The following GPBP1 variants were observed in gnomAD, a reference collection of about 807,000 sequenced individuals.
GPBP1 encodes GC-rich promoter binding protein 1, also known as vasculin.
A neutral mutation model predicts 56.5 loss-of-function variants in GPBP1; 13 were observed. The ratio of observed to expected loss-of-function variants is 0.23; its 90% CI spans 0.15 to 0.37. The LOEUF is 0.37. Ranked by LOEUF, GPBP1 falls within the 10% of genes least tolerant of loss-of-function variation. The pLI is 1.00. For synonymous variants in GPBP1, 204 were observed against 188.9 expected, an observed-to-expected ratio of 1.08 and a Z score of -0.66; for missense variants, 477 against 572.3, an observed-to-expected ratio of 0.83 and a Z score of 1.70.
chr5:57,214,248 C>A, intron 3 of GPBP1, 55 bp downstream of exon 3: 1 of 1,360,048 alleles, frequency 7.4e-7, no homozygotes, highest in Non-Finnish European at 1.1e-6. Context: ...ATTTTTTACA[C>A]AAATGTAATT....
intron 8 of GPBP1, 175 bp from the exon 9 acceptor site, chr5:57,249,234 G>GT: frequency 2.1e-6 from 1 of 468,458 alleles, no homozygotes; most frequent in East Asian, 3.3e-5. Flanking sequence ...AAATTATTTT[G>GT]TTGACTCATT....
At chr5:57,233,441 T>TC (rs1756540780) in intron 5 of GPBP1, among the ~76,000 whole-genome samples, 1 of 152,108 alleles carries the variant, frequency 6.6e-6, no homozygotes, top group African/African-American at 2.4e-5. Flanking sequence ...GTGGTACTGA[T>TC]CCCCCCTTGA....
chr5:57,189,844 C>T (rs1465668154), intron 2 of GPBP1, among the ~76,000 whole-genome samples: 1 of 152,170 alleles, frequency 6.6e-6, no homozygotes, highest in Non-Finnish European at 1.5e-5. Flanking sequence ...GAACACGAGA[C>T]ATTTTTCTTT....
At chr5:57,227,513 T>TA (rs752547905) in intron 3 of GPBP1, among the ~76,000 whole-genome samples, 1 of 152,230 alleles carries the variant, frequency 6.6e-6, no homozygotes, top group Non-Finnish European at 1.5e-5. Context: ...TTCTTGCTTG[T>TA]ATGCCAAGAA....
chr5:57,220,467 T>A (rs1287786710), intron 3 of GPBP1, among the ~76,000 whole-genome samples: 1 of 151,860 alleles, frequency 6.6e-6, no homozygotes, highest in Non-Finnish European at 1.5e-5. Context: ...AAACTTTTTT[T>A]TTTTTTTTTT....
intron 5 of GPBP1, among the ~76,000 whole-genome samples, chr5:57,232,367 A>T (rs1224620048): frequency 6.6e-6 from 1 of 152,250 alleles, no homozygotes; most frequent in Non-Finnish European, 1.5e-5. Flanking sequence ...TCAAACACTT[A>T]TGCTAACATT....
chr5:57,189,691 CCCTTTA>C (rs1288245749), intron 2 of GPBP1, among the ~76,000 whole-genome samples: 3 of 152,196 alleles, frequency 2.0e-5, no homozygotes, highest in Non-Finnish European at 4.4e-5. Context: ...GTGCTTAAAA[CCCTTTA>C]ATGTCTTTCC....
chr5:57,199,668 A>G (rs937585886), intron 2 of GPBP1, among the ~76,000 whole-genome samples: 2 of 152,142 alleles, frequency 1.3e-5, no homozygotes, highest in African/African-American at 4.8e-5. Context: ...TACATTAGGT[A>G]TATCTCCTAA....
chr5:57,231,990 AT>A (rs1756480168), intron 5 of GPBP1, among the ~76,000 whole-genome samples: 1 of 151,398 alleles, frequency 6.6e-6, no homozygotes, highest in Non-Finnish European at 1.5e-5. Flanking sequence ...GGTTTATCTT[AT>A]TTTTTTCATG....
Position 57,247,086 on chromosome 5 carries a change from G to C in GPBP1, c.675G>C (p.Trp225Cys). 6.2e-7 allele frequency: 1 copy of C among 1,612,656 alleles called. No individual in the cohort carries two copies. The highest frequency in any genetic ancestry group is 1.3e-5 in the African/African-American group (1 of 74,920). The stretch of plus-strand genomic sequence containing the variant: ...GTGTTTTTCTTTAGCCTACACAATG[G>C]AAAAGCCAAACAAAAGAAAATAAAG... ...PAAPPTKPTQWKSQTKENKVG... is the reference protein window; with the variant it reads ...PAAPPTKPTQCKSQTKENKVG... Residue 225 changes from tryptophan to cysteine, a missense_variant, in exon 8 of 12, where the codon TGG becomes TGC. This residue lies in a region of GPBP1 where 414 missense variants were observed against 458.2 expected (regional missense o/e 0.90). Transcript: ENST00000506184.
chr5:57,192,511 T>C (rs970415915), intron 2 of GPBP1, among the ~76,000 whole-genome samples: 1 of 152,028 alleles, frequency 6.6e-6, no homozygotes, highest in Non-Finnish European at 1.5e-5. Flanking sequence ...CCCAGCACTT[T>C]GGGAGGCTGA....
At chr5:57,223,627 C>T (rs1439239344) in intron 3 of GPBP1, among the ~76,000 whole-genome samples, 1 of 152,036 alleles carries the variant, frequency 6.6e-6, no homozygotes, top group Non-Finnish European at 1.5e-5. Flanking sequence ...ACTCCACCTT[C>T]CTTACCTCCT....
chr5:57,195,139 T>C (rs1754691078), intron 2 of GPBP1, among the ~76,000 whole-genome samples: 1 of 152,176 alleles, frequency 6.6e-6, no homozygotes, highest in African/African-American at 2.4e-5. Flanking sequence ...ACTTTGTTTA[T>C]ATCCTTTGCC....
At chr5:57,198,349 T>G (rs1272217929) in intron 2 of GPBP1, among the ~76,000 whole-genome samples, 1 of 152,216 alleles carries the variant, frequency 6.6e-6, no homozygotes, top group Non-Finnish European at 1.5e-5. Context: ...ACAGTTTTAT[T>G]CCTTTATTAT....
intron 2 of GPBP1, among the ~76,000 whole-genome samples, chr5:57,205,912 C>T (rs984073396): frequency 1.3e-5 from 2 of 152,020 alleles, no homozygotes; most frequent in African/African-American, 4.8e-5. Flanking sequence ...TACAGGTGTG[C>T]CTCACCACAC....
intron 6 of GPBP1, 33 bp downstream of exon 6, chr5:57,236,065 C>CA: frequency 7.5e-7 from 1 of 1,325,484 alleles, no homozygotes; most frequent in Non-Finnish European, 1.1e-6. Context: ...TTGAGGGGCA[C>CA]AAAATGTTGA....
chr5:57,203,361 C>T (rs1157316580), intron 2 of GPBP1, among the ~76,000 whole-genome samples: 1 of 152,068 alleles, frequency 6.6e-6, no homozygotes, highest in East Asian at 1.9e-4. Context: ...AAGGGTATGG[C>T]GCTGTGGCTC....
intron 10 of GPBP1, among the ~76,000 whole-genome samples, chr5:57,258,182 T>C (rs547897206): frequency 6.6e-6 from 1 of 152,130 alleles, no homozygotes; most frequent in South Asian, 2.1e-4. Flanking sequence ...GGCAATAGTT[T>C]GAAGGAGAGT....
At chr5:57,239,669 A>T (rs1013653622) in intron 6 of GPBP1, among the ~76,000 whole-genome samples, 1 of 152,038 alleles carries the variant, frequency 6.6e-6, no homozygotes, top group Non-Finnish European at 1.5e-5. Flanking sequence ...AATCCCAGCC[A>T]CTTGGGAGGC....
Sources: allele counts gnomAD v4.1 joint callset (sites outside exome capture counted in the v4.1 genomes callset), GRCh38; gene constraint gnomAD v4.1.1; regional missense constraint gnomAD v4.1.1; transcripts MANE v1.5; gene names NCBI Gene and HGNC (gene_info 2026-07-23, HGNC 2026-07-21).